CSPP1: variants seen among roughly 807,000 people sequenced by gnomAD.
CSPP1 encodes the protein centrosome and spindle pole-associated protein 1.
Under a neutral mutation model 164.4 loss-of-function variants are expected in CSPP1, and 126 were observed. The observed-to-expected ratio is 0.77, with a 90% CI of 0.66 to 0.89. The LOEUF (loss-of-function observed/expected upper bound fraction) is 0.89. Ranked by LOEUF, CSPP1 falls within the 40% of genes least tolerant of loss-of-function variation. The pLI, the probability that CSPP1 is intolerant of heterozygous loss-of-function variation, is 0.00. For synonymous variants in CSPP1, 472 were observed against 476.7 expected, an observed-to-expected ratio of 0.99 and a Z score of 0.13; for missense variants, 1,395 against 1,449.8, an observed-to-expected ratio of 0.96 and a Z score of 0.61.
At position 67,095,567 on chromosome 8, in the gene CSPP1, C is replaced by T. The variant is rs1402297390; in HGVS notation, c.758C>T (p.Ala253Val). The T allele has an allele frequency of 3.1e-6, 5 of 1,613,764 alleles. No homozygotes were observed. Among genetic ancestry groups the T allele is most frequent in the East Asian group, 4.5e-5 (2 of 44,838 alleles). ...NLKHQRFASKAGIPDRRFHRF... is the reference protein window; with the variant it reads ...NLKHQRFASKVGIPDRRFHRF... ...AAACATCAAAGGTTTGCAAGCAAGG[C>T]TGGCATTCCAGATAGAAGATTTCAC... The change falls in exon 7 of 31, where the codon GCT becomes GTT. Residue 253 changes from alanine (A) to valine (V), a missense_variant. Transcript: ENST00000678616.
In CSPP1 at chr8:67,196,242, A is replaced by ATTT. The variant is rs999505301; in HGVS notation, c.*652_*654dup. The ATTT allele has an allele frequency of 2.0e-5, 3 of 152,194 alleles. No homozygotes were observed. The highest frequency in any genetic ancestry group is 7.2e-5 in the African/African-American group (3 of 41,454). The allele number at this position is 152,194 out of a possible 1,614,324, so 9.4% of individuals were successfully genotyped here. A position where few individuals can be genotyped will look rare whatever the true frequency, so the allele number is the denominator to read the frequency against. ...TGTAACTACTTCTTGATATAAATAA[A>ATTT]TTTTTATTTTAATTACTAAAATCTT... On this transcript the variant is annotated 3_prime_UTR_variant, in exon 31 of 31. Coordinates refer to ENST00000678616, the MANE Select transcript of CSPP1 (RefSeq NM_001382391.1).
intron 29 of CSPP1, among the ~76,000 whole-genome samples, chr8:67,192,496 T>C (rs1281711855): frequency 3.9e-5 from 6 of 152,244 alleles, no homozygotes; most frequent in Non-Finnish European, 2.9e-5. Flanking sequence ...CTGTATCTTT[T>C]TAACTTTCTT....
intron 22 of CSPP1, among the ~76,000 whole-genome samples, chr8:67,162,300 C>T (rs761691940): frequency 6.6e-6 from 1 of 152,134 alleles, no homozygotes; most frequent in Non-Finnish European, 1.5e-5. Flanking sequence ...TGTGGAAAGT[C>T]GTGGAGAGCA....
intron 16 of CSPP1, chr8:67,133,672 G>A (rs545867750): frequency 1.3e-5 from 2 of 152,288 alleles, no homozygotes; most frequent in South Asian, 2.1e-4. Flanking sequence ...GAAATTTGCT[G>A]CATCAATTGA....
chr8:67,135,160 CT>C (rs1821994214), intron 16 of CSPP1: 1 of 151,950 alleles, frequency 6.6e-6, no homozygotes, highest in South Asian at 2.1e-4. Context: ...TCATGTTGTA[CT>C]TTTTTATTTT....
intron 11 of CSPP1, 130 bp downstream of exon 11, chr8:67,113,992 A>G (rs978406842): frequency 1.8e-6 from 1 of 558,848 alleles, no homozygotes. Flanking sequence ...AAAATTAACT[A>G]AATTCAGTTC....
intron 17 of CSPP1, 80 bp from the exon 18 acceptor site, chr8:67,149,702 TC>T: frequency 1.0e-6 from 1 of 993,890 alleles, no homozygotes; most frequent in Non-Finnish European, 1.4e-6. Context: ...CTTTCTGACT[TC>T]CTATTTTAAG....
In CSPP1 at chr8:67,064,505, C is replaced by T; in HGVS notation, c.-44C>T. 1 of 1,613,326 alleles carries T rather than the reference C, an allele frequency of 6.2e-7. No individual in the cohort carries two copies. The highest frequency in any genetic ancestry group is 8.5e-7 in the Non-Finnish European group (1 of 1,179,770). On this transcript the variant is annotated 5_prime_UTR_variant, in exon 1 of 31. Coordinates refer to ENST00000678616, the MANE Select transcript of CSPP1 (RefSeq NM_001382391.1). ...CGAGCCCGCTCCCCTGAGTAAGAGTCAGCCAGCCGCGGATGGGGAGCGTGA... is the reference window on the plus strand; with the variant it reads ...CGAGCCCGCTCCCCTGAGTAAGAGTTAGCCAGCCGCGGATGGGGAGCGTGA...
rs1818416279 is a variant in CSPP1 at position 67,118,743 on chromosome 8, A to G, written c.1619A>G (p.Tyr540Cys). The G allele has an allele frequency of 1.1e-5, 18 of 1,594,652 alleles. No homozygotes were observed. The highest frequency in any genetic ancestry group is 1.5e-5 in the Non-Finnish European group (17 of 1,169,280). ...RNTFDPSLAYYGSGMMGVQPA... is the reference protein window; with the variant it reads ...RNTFDPSLAYCGSGMMGVQPA... Reference sequence around the variant, plus strand: ...TTTGTTTTTTTGTTTTTTCTTTAAGATGGTTCAGGAATGATGGGCGTACAG... The same window carrying G: ...TTTGTTTTTTTGTTTTTTCTTTAAGGTGGTTCAGGAATGATGGGCGTACAG... Residue 540 changes from tyrosine (Y) to cysteine (C), a missense_variant and splice_region_variant, in exon 15 of 31, where the codon TAT becomes TGT. Physicochemically the swap from Tyr to Cys is radical, Grantham distance 194. Coordinates refer to ENST00000678616, the MANE Select transcript of CSPP1 (RefSeq NM_001382391.1).
At chr8:67,074,407 C>A in intron 2 of CSPP1, 56 bp downstream of exon 2, 1 of 1,054,106 alleles carries the variant, frequency 9.5e-7, no homozygotes, top group Non-Finnish European at 1.4e-6. Flanking sequence ...ATGGAGATTA[C>A]TCCTGTGTAA....
In CSPP1 at chr8:67,112,069, A is replaced by G. The variant is rs1345769690; in HGVS notation, c.1187+4A>G. On this transcript the variant is annotated splice_donor_region_variant and intron_variant, in intron 10 of 30. Coordinates refer to ENST00000678616, the MANE Select transcript of CSPP1 (RefSeq NM_001382391.1). ...AGCAACAGAGGAACAAGAGACGGTA[A>G]TGAAAGGTTTGCATTTAAAAGAGAT... 1 of 1,599,752 alleles carries G rather than the reference A, an allele frequency of 6.3e-7. No homozygotes were observed. The highest frequency in any genetic ancestry group is 1.7e-5 in the Admixed American group (1 of 59,180).
At chr8:67,171,087 A>ATT (rs765450150) in intron 24 of CSPP1, among the ~76,000 whole-genome samples, 4 of 120,840 alleles carry the variant, frequency 3.3e-5, no homozygotes, top group Admixed American at 8.4e-5. Flanking sequence ...TGCCCGGCCA[A>ATT]TTTTTTTTTT....
chr8:67,132,992 T>C (rs1447310395), intron 16 of CSPP1, among the ~76,000 whole-genome samples: 2 of 152,210 alleles, frequency 1.3e-5, no homozygotes, highest in African/African-American at 2.4e-5. Context: ...TCTTGAAAGA[T>C]AGATTTTTAA....
At chr8:67,160,591 T>C (rs1828150171) in intron 21 of CSPP1, among the ~76,000 whole-genome samples, 1 of 152,052 alleles carries the variant, frequency 6.6e-6, no homozygotes, top group Non-Finnish European at 1.5e-5. Flanking sequence ...TATAATTTAA[T>C]TGTAAAGTAC....
chr8:67,091,112 G>C (rs953121216), intron 4 of CSPP1, among the ~76,000 whole-genome samples: 3 of 152,034 alleles, frequency 2.0e-5, no homozygotes, highest in Admixed American at 6.6e-5. Context: ...CCTTATACCA[G>C]CTTTGGTAGG....
intron 17 of CSPP1, among the ~76,000 whole-genome samples, chr8:67,147,067 T>C (rs1341730982): frequency 6.6e-6 from 1 of 152,254 alleles, no homozygotes; most frequent in African/African-American, 2.4e-5. Flanking sequence ...TTATGTACTC[T>C]GATGAAATTA....
At chr8:67,136,214 G>T (rs1330038278) in intron 16 of CSPP1, among the ~76,000 whole-genome samples, 1 of 152,038 alleles carries the variant, frequency 6.6e-6, no homozygotes, top group Non-Finnish European at 1.5e-5. Flanking sequence ...CCATGCCATT[G>T]GAAAAATGGT....
intron 28 of CSPP1, among the ~76,000 whole-genome samples, chr8:67,185,957 G>T (rs1270130881): frequency 2.0e-5 from 3 of 152,126 alleles, no homozygotes; most frequent in Non-Finnish European, 4.4e-5. Flanking sequence ...TAGGTCCTTT[G>T]CACTTAAAGC....
chr8:67,119,281 T>G (rs995024325), intron 15 of CSPP1, among the ~76,000 whole-genome samples: 2 of 152,238 alleles, frequency 1.3e-5, no homozygotes, highest in African/African-American at 4.8e-5. Flanking sequence ...ATCTATCCAT[T>G]TATCCATTAG....
Sources: allele counts gnomAD v4.1 joint callset (sites outside exome capture counted in the v4.1 genomes callset), GRCh38; gene constraint gnomAD v4.1.1; transcripts MANE v1.5; gene names NCBI Gene and HGNC (gene_info 2026-07-23, HGNC 2026-07-21).